The following USP32 variants were observed in gnomAD, a reference collection of about 807,000 sequenced individuals.
USP32 encodes ubiquitin specific peptidase 32, also known as ubiquitin carboxyl-terminal hydrolase 32.
In USP32, 59 loss-of-function variants were observed where a neutral mutation model predicts 204.8. The observed-to-expected ratio is 0.29, with a 90% CI of 0.23 to 0.36. The LOEUF is 0.36. Ranked by LOEUF, USP32 falls within the 10% of genes least tolerant of loss-of-function variation. The pLI is 1.00. For missense variants in USP32, 1,160 were observed against 1,946.4 expected (o/e 0.60, Z 7.60); for synonymous variants, 517 against 678.4 (o/e 0.76, Z 3.70).
intron 11 of USP32, among the ~76,000 whole-genome samples, chr17:60,240,024 C>A (rs958266249): frequency 3.9e-5 from 6 of 152,224 alleles, no homozygotes; most frequent in African/African-American, 7.2e-5. Context: ...CGTGGGCCAC[C>A]ATGCCCAAGC....
intron 12 of USP32, among the ~76,000 whole-genome samples, chr17:60,230,407 A>G (rs1176413316): frequency 6.6e-6 from 1 of 152,212 alleles, no homozygotes; most frequent in Non-Finnish European, 1.5e-5. Flanking sequence ...GGATAATAAA[A>G]ATATTACCAG....
Position 60,391,874 on chromosome 17 carries a change from C to A in USP32, c.58+8G>T. ...CCAGGCAGCTCGCCCAGACCCCTCC[C>A]CCCTCACCTCTCCTCAGCGCCTCCT... On this transcript the variant is annotated splice_region_variant and intron_variant, in intron 1 of 33. Transcript: ENST00000300896. 1 of 1,610,140 alleles carries A rather than the reference C, an allele frequency of 6.2e-7. No homozygotes were observed. Among genetic ancestry groups the A allele is most frequent in the Non-Finnish European group, 8.5e-7 (1 of 1,178,444 alleles).
chr17:60,363,165 T>C (rs191619265), intron 1 of USP32, among the ~76,000 whole-genome samples: 46 of 151,348 alleles, frequency 3.0e-4, no homozygotes, highest in African/African-American at 1.1e-3. Context: ...TAAAAAAAAA[T>C]TTTTTGAGGC....
At chr17:60,180,161 G>A (rs1160526637) in intron 33 of USP32, among the ~76,000 whole-genome samples, 1 of 152,088 alleles carries the variant, frequency 6.6e-6, no homozygotes, top group African/African-American at 2.4e-5. Flanking sequence ...GAGTAGCTGG[G>A]ATTAGAGGCA....
rs758528054 is a variant in USP32, at chr17:60,368,991, A to ATTTTTTTTTTTTTTTT, written c.58+22875_58+22890dup. The stretch of plus-strand genomic sequence containing the variant: ...ACATACACGAATTATTTTTTAAAAG[A>ATTTTTTTTTTTTTTTT]TTTTTTTTTTTTTTTTTTTTTGAGA... On this transcript the variant is annotated intron_variant, in intron 1 of 33. Coordinates refer to ENST00000300896, the MANE Select transcript of USP32 (RefSeq NM_032582.4). Among the ~76,000 whole-genome samples the ATTTTTTTTTTTTTTTT allele has an allele frequency of 4.8e-4, 55 of 114,120 alleles. 2 individuals carry two copies. The highest frequency in any genetic ancestry group is 6.6e-4 in the African/African-American group (13 of 19,586). The allele number at this position is 114,120 out of a possible 152,430, so 74.9% of individuals were successfully genotyped here.
chr17:60,185,546 C>A lies in USP32; in HGVS notation c.3748G>T (p.Glu1250Ter). Residue 1250 changes from glutamate to a stop codon, truncating the protein, a stop_gained, in exon 30 of 34, where the codon GAA (glutamate) becomes TAA (stop). Transcript: ENST00000300896. LOFTEE classifies it high-confidence loss of function. ...RAFTSEEELG[E>*]NEMYYCSKCK... ...TTGGAACAGTAGTACATCTCATTTT[C>A]CCCTAGCTCTTCCTCACTGGTGAAA... The A allele has an allele frequency of 3.1e-6, 5 of 1,611,980 alleles. No homozygotes were observed. Among genetic ancestry groups the A allele is most frequent in the Non-Finnish European group, 4.2e-6 (5 of 1,179,858 alleles).
At chr17:60,280,946 G>C (rs2086953423) in intron 5 of USP32, among the ~76,000 whole-genome samples, 1 of 152,196 alleles carries the variant, frequency 6.6e-6, no homozygotes, top group Non-Finnish European at 1.5e-5. Flanking sequence ...GCTTTTCATA[G>C]TAAGACTCAC....
At chr17:60,361,450 G>A (rs528813296) in intron 1 of USP32, among the ~76,000 whole-genome samples, 1 of 152,190 alleles carries the variant, frequency 6.6e-6, no homozygotes, top group South Asian at 2.1e-4. Context: ...TTCACTTACT[G>A]TTCATATTTA....
chr17:60,369,190 T>A (rs1314176593), intron 1 of USP32, among the ~76,000 whole-genome samples: 1 of 144,114 alleles, frequency 6.9e-6, no homozygotes, highest in East Asian at 2.0e-4. Context: ...GAGACGGGGT[T>A]TCACCGTTTT....
chr17:60,257,678 C>T, intron 9 of USP32, among the ~76,000 whole-genome samples: 1 of 152,036 alleles, frequency 6.6e-6, no homozygotes. Context: ...AAAACAAGGT[C>T]TAGTTATGTT....
intron 13 of USP32, among the ~76,000 whole-genome samples, chr17:60,225,786 T>C (rs1019449036): frequency 3.3e-5 from 5 of 151,868 alleles, no homozygotes; most frequent in Non-Finnish European, 7.4e-5. Context: ...ACCCCATCTC[T>C]ACTAAAAAAA....
chr17:60,230,626 C>T (rs951044146), intron 12 of USP32, among the ~76,000 whole-genome samples: 11 of 152,180 alleles, frequency 7.2e-5, no homozygotes, highest in Non-Finnish European at 1.6e-4. Flanking sequence ...ACTGGTCTGT[C>T]TTCTCATTGT....
chr17:60,407,559 T>G (rs1480180649), intron 1 of USP32, among the ~76,000 whole-genome samples: 1 of 151,898 alleles, frequency 6.6e-6, no homozygotes, highest in Non-Finnish European at 1.5e-5. Context: ...AAGTTAACAA[T>G]CTGGTACAAC....
chr17:60,366,046 C>T (rs1457978624), intron 1 of USP32, among the ~76,000 whole-genome samples: 5 of 152,174 alleles, frequency 3.3e-5, no homozygotes, highest in African/African-American at 9.7e-5. Context: ...GGCGCGATCT[C>T]GGCTCACCGC....
At chr17:60,343,652 G>C (rs1176962430) in intron 2 of USP32, among the ~76,000 whole-genome samples, 1 of 152,218 alleles carries the variant, frequency 6.6e-6, no homozygotes, top group African/African-American at 2.4e-5. Context: ...ATTTAAAGCA[G>C]TGTGTAGAGG....
At chr17:60,235,366 G>C (rs1478476873) in intron 12 of USP32, among the ~76,000 whole-genome samples, 1 of 152,088 alleles carries the variant, frequency 6.6e-6, no homozygotes, top group Non-Finnish European at 1.5e-5. Context: ...AGACACCAAA[G>C]TCCGTGTTTC....
At chr17:60,281,662 T>C (rs190213685) in intron 5 of USP32, among the ~76,000 whole-genome samples, 181 of 152,326 alleles carry the variant, frequency 1.2e-3, no homozygotes, top group Non-Finnish European at 1.8e-3. Flanking sequence ...ATCCCTGTTT[T>C]ACAAAGGAGG....
At chr17:60,394,127 CA>C (rs1311510555), upstream of USP32, among the ~76,000 whole-genome samples, 1 of 152,168 alleles carries the variant, frequency 6.6e-6, no homozygotes, top group African/African-American at 2.4e-5. Context: ...GGCCATGAAT[CA>C]GGGGGTTGGG....
intron 1 of USP32, among the ~76,000 whole-genome samples, chr17:60,387,013 C>G (rs1244728967): frequency 1.3e-5 from 2 of 152,124 alleles, no homozygotes; most frequent in Non-Finnish European, 1.5e-5. Flanking sequence ...CCGAAACCAA[C>G]AATTCCAAAC....
Sources: gnomAD v4.1 joint callset for allele counts (sites outside exome capture counted in the v4.1 genomes callset) on GRCh38, gnomAD v4.1.1 for gene constraint, MANE v1.5 for transcripts, NCBI Gene and HGNC (gene_info 2026-07-23, HGNC 2026-07-21) for gene names.